The following ZNF722 variants were observed in gnomAD, a reference collection of about 807,000 sequenced individuals.
ZNF722 encodes zinc finger protein 479 pseudogene.
the ZNF722 span, among the ~76,000 whole-genome samples, chr7:64,003,625 A>G: frequency 6.6e-6 from 1 of 152,092 alleles, no homozygotes; most frequent in African/African-American, 2.4e-5. Context: ...AGTTTGTTTC[A>G]ACTATTTTTT....
chr7:64,003,352 C>T, the ZNF722 span, among the ~76,000 whole-genome samples: 2 of 152,220 alleles, frequency 1.3e-5, no homozygotes, highest in African/African-American at 4.8e-5. Flanking sequence ...CTGCAAGTCT[C>T]GGTCTTTCTG....
chr7:64,006,681 G>A, the ZNF722 span, among the ~76,000 whole-genome samples: 4 of 151,820 alleles, frequency 2.6e-5, no homozygotes, highest in Admixed American at 2.6e-4. Context: ...AATTTTTTTT[G>A]CATCATGTCT....
chr7:64,009,894 C>T, the ZNF722 span, among the ~76,000 whole-genome samples: 5 of 152,042 alleles, frequency 3.3e-5, no homozygotes, highest in African/African-American at 1.2e-4. Context: ...GGTTGGTAGG[C>T]TATTAATTAT....
the ZNF722 span, among the ~76,000 whole-genome samples, chr7:64,014,415 C>CT: frequency 6.6e-6 from 1 of 151,924 alleles, no homozygotes. Context: ...ACATTATAAT[C>CT]TTTGGTTGAG....
the ZNF722 span, among the ~76,000 whole-genome samples, chr7:64,000,184 G>A: frequency 2.0e-5 from 3 of 150,258 alleles, no homozygotes; most frequent in Non-Finnish European, 4.4e-5. Context: ...AGGCTGGAGT[G>A]CAATGGCGTG....
the ZNF722 span, among the ~76,000 whole-genome samples, chr7:64,005,932 T>C: frequency 6.6e-6 from 1 of 152,212 alleles, no homozygotes; most frequent in Non-Finnish European, 1.5e-5. Flanking sequence ...CCTGAGCTTA[T>C]GTATCTTTTG....
the ZNF722 span, among the ~76,000 whole-genome samples, chr7:64,005,136 T>C: frequency 6.6e-6 from 1 of 152,012 alleles, no homozygotes; most frequent in South Asian, 2.1e-4. Context: ...CCATCTCTAC[T>C]AAAAATACAA....
the ZNF722 span, chr7:64,015,459 A>G: frequency 1.2e-6 from 2 of 1,610,264 alleles, no homozygotes; most frequent in Non-Finnish European, 8.5e-7. Context: ...TACTACACAT[A>G]AAAGAATTCA....
the ZNF722 span, chr7:64,015,831 G>C: frequency 1.2e-6 from 2 of 1,605,896 alleles, no homozygotes; most frequent in South Asian, 2.2e-5. Flanking sequence ...CTACAAATGT[G>C]AAGAATGTGA....
At chr7:64,003,552 G>T in the ZNF722 span, among the ~76,000 whole-genome samples, 1 of 152,140 alleles carries the variant, frequency 6.6e-6, no homozygotes, top group Admixed American at 6.6e-5. Context: ...CTGCCTTTTG[G>T]AATGCCATCT....
chr7:64,006,609 G>T, the ZNF722 span, among the ~76,000 whole-genome samples: 3 of 152,110 alleles, frequency 2.0e-5, no homozygotes, highest in African/African-American at 7.2e-5. Flanking sequence ...CTTTGCCATA[G>T]CTTTTGGGGA....
At chr7:64,005,649 C>T in the ZNF722 span, 370 of 1,352,362 alleles carry the variant, frequency 2.7e-4, no homozygotes, top group Non-Finnish European at 3.5e-4. Flanking sequence ...ATAGAATTCT[C>T]TCTGGAGGAG....
At chr7:64,011,838 G>A in the ZNF722 span, among the ~76,000 whole-genome samples, 2 of 152,144 alleles carry the variant, frequency 1.3e-5, no homozygotes, top group African/African-American at 4.8e-5. Flanking sequence ...ATATCCTACA[G>A]AGTATTTTCC....
At chr7:64,016,146 A>T in the ZNF722 span, 48 of 420,700 alleles carry the variant, frequency 1.1e-4, no homozygotes, top group African/African-American at 6.3e-4. Context: ...ATTTAAAAAA[A>T]ATATTTTTTT....
the ZNF722 span, chr7:63,998,907 T>G: frequency 6.8e-7 from 1 of 1,476,266 alleles, no homozygotes; most frequent in Non-Finnish European, 9.2e-7. Flanking sequence ...CTGCATTCTC[T>G]GCTCCTAGAG....
chr7:64,003,585 C>T, the ZNF722 span, among the ~76,000 whole-genome samples: 2 of 152,098 alleles, frequency 1.3e-5, no homozygotes, highest in African/African-American at 4.8e-5. Context: ...CAAATTTTTA[C>T]TTCTGTACTT....
chr7:64,009,839 C>G, the ZNF722 span, among the ~76,000 whole-genome samples: 1 of 152,148 alleles, frequency 6.6e-6, no homozygotes, highest in African/African-American at 2.4e-5. Flanking sequence ...CTTTATACCT[C>G]TGGTAGAATT....
chr7:64,001,693 A>G, the ZNF722 span, among the ~76,000 whole-genome samples: 2 of 151,946 alleles, frequency 1.3e-5, no homozygotes, highest in African/African-American at 4.8e-5. Context: ...ACAAATTTAT[A>G]CTCTCACTTG....
the ZNF722 span, among the ~76,000 whole-genome samples, chr7:64,004,618 ATAGAGT>A: frequency 2.0e-5 from 3 of 151,726 alleles, no homozygotes; most frequent in East Asian, 3.9e-4. Flanking sequence ...TTTTTCCACT[ATAGAGT>A]TAATTATTAT....
Sources: gnomAD v4.1 joint callset for allele counts (sites outside exome capture counted in the v4.1 genomes callset) on GRCh38, gnomAD v4.1.1 for gene constraint, MANE v1.5 for transcripts, NCBI Gene and HGNC (gene_info 2026-07-23, HGNC 2026-07-21) for gene names.